The following AK5 variants were observed in gnomAD, a reference collection of about 807,000 sequenced individuals.
AK5 encodes the protein adenylate kinase 5.
AK5 carries 27 observed loss-of-function variants against 69.5 expected under a neutral mutation model. That is an observed-to-expected ratio of 0.39 (90% CI 0.29 to 0.54). The LOEUF (loss-of-function observed/expected upper bound fraction) is 0.54. AK5 is among the 20% of genes least tolerant of loss of function. The pLI is 0.71. For synonymous variants in AK5, 260 were observed against 244.4 expected, an observed-to-expected ratio of 1.06 and a Z score of -0.60; for missense variants, 531 against 700.4, an observed-to-expected ratio of 0.76 and a Z score of 2.73.
intron 13 of AK5, among the ~76,000 whole-genome samples, chr1:77,550,101 T>C (rs558660602): frequency 6.6e-6 from 1 of 152,158 alleles, no homozygotes; most frequent in Non-Finnish European, 1.5e-5. Context: ...CTAGGACTAC[T>C]GGCATGTGCC....
intron 10 of AK5, among the ~76,000 whole-genome samples, chr1:77,502,051 C>G (rs1230402750): frequency 1.3e-5 from 2 of 152,130 alleles, no homozygotes; most frequent in Non-Finnish European, 2.9e-5. Context: ...ATTCACTATC[C>G]TATTAATAAT....
intron 8 of AK5, among the ~76,000 whole-genome samples, chr1:77,457,841 G>A (rs918309810): frequency 9.9e-5 from 15 of 152,236 alleles, no homozygotes; most frequent in East Asian, 5.8e-4. Flanking sequence ...TATTTAGGCC[G>A]TCTATTAGCT....
intron 8 of AK5, among the ~76,000 whole-genome samples, chr1:77,470,898 T>TTG (rs1654465159): frequency 8.7e-6 from 1 of 114,714 alleles, no homozygotes; most frequent in African/African-American, 3.5e-5. Context: ...TTTTTTTTTT[T>TTG]GAGACAGAGT....
chr1:77,481,503 T>G (rs12404342), intron 8 of AK5, among the ~76,000 whole-genome samples: 3 of 152,160 alleles, frequency 2.0e-5, no homozygotes, highest in African/African-American at 7.2e-5. Context: ...CAGGCAACTC[T>G]AAGAAGATGA....
intron 6 of AK5, among the ~76,000 whole-genome samples, chr1:77,367,877 A>ATT (rs369372295): frequency 0.014 from 200 of 14,208 alleles, 16 homozygotes; most frequent in Non-Finnish European, 0.019. Flanking sequence ...TGTGATATAT[A>ATT]ATATAAAATA....
intron 6 of AK5, among the ~76,000 whole-genome samples, chr1:77,348,509 TA>T (rs141980716): frequency 0.15 from 21,925 of 145,320 alleles, 1,764 homozygotes; most frequent in Middle Eastern, 0.24. Flanking sequence ...TAAAGTATAA[TA>T]AAAAAAAAAT....
intron 8 of AK5, among the ~76,000 whole-genome samples, chr1:77,464,028 A>T (rs1364982712): frequency 6.6e-6 from 1 of 152,258 alleles, no homozygotes; most frequent in African/African-American, 2.4e-5. Context: ...GCACTATGAA[A>T]GATGAAAAGT....
chr1:77,309,573 A>G (rs1271677589), intron 5 of AK5, among the ~76,000 whole-genome samples: 2 of 152,168 alleles, frequency 1.3e-5, no homozygotes, highest in Non-Finnish European at 2.9e-5. Flanking sequence ...TACACTCTAT[A>G]AATACATTAT....
At position 77,558,943 on chromosome 1, in the gene AK5, C is replaced by T. The variant is rs1660281732; in HGVS notation, c.*273C>T. ...CACACTTTGTATCATGCAGGCCACA[C>T]TCAGAGCTAGTCAGTACATGAACAG... On this transcript the variant is annotated 3_prime_UTR_variant, in exon 14 of 14. Transcript: ENST00000354567. 1 of 357,678 alleles carries T rather than the reference C, an allele frequency of 2.8e-6. No homozygotes were observed. The highest frequency in any genetic ancestry group is 5.3e-6 in the Non-Finnish European group (1 of 190,410). The allele number at this position is 357,678 out of a possible 1,614,324, so 22.2% of individuals were successfully genotyped here.
intron 6 of AK5, among the ~76,000 whole-genome samples, chr1:77,390,273 C>A (rs1648335524): frequency 6.6e-6 from 1 of 152,182 alleles, no homozygotes; most frequent in African/African-American, 2.4e-5. Flanking sequence ...GGTGTGAAAT[C>A]CCTGTACCAG....
At chr1:77,456,338 C>T (rs1328900728) in intron 8 of AK5, among the ~76,000 whole-genome samples, 1 of 152,212 alleles carries the variant, frequency 6.6e-6, no homozygotes, top group African/African-American at 2.4e-5. Context: ...GGAGTAAACC[C>T]CAACCTGACT....
chr1:77,340,384 C>A lies in AK5; in HGVS notation c.707C>A (p.Thr236Asn), dbSNP rs1443157515. The A allele has an allele frequency of 1.9e-6, 3 of 1,613,664 alleles. No homozygotes were observed. Among genetic ancestry groups the A allele is most frequent in the Middle Eastern group, 1.7e-4 (1 of 6,054 alleles). ...TGTTGATGCTCTCCACAGATCTGTA[C>A]CCCCGATTTGGTGGTATTCCTGGCT... ...QALSFEDQIC[T>N]PDLVVFLACA... The change falls in exon 6 of 14, where the codon ACC (threonine) becomes AAC (asparagine). Residue 236 changes from threonine to asparagine, a missense_variant. Transcript: ENST00000354567.
At chr1:77,368,779 A>G (rs1229221492) in intron 6 of AK5, among the ~76,000 whole-genome samples, 4 of 152,150 alleles carry the variant, frequency 2.6e-5, no homozygotes, top group Non-Finnish European at 4.4e-5. Flanking sequence ...GCAGCACTCA[A>G]AAAGTTTCAG....
At chr1:77,491,643 A>G (rs977063695) in intron 10 of AK5, among the ~76,000 whole-genome samples, 6 of 152,218 alleles carry the variant, frequency 3.9e-5, no homozygotes, top group African/African-American at 1.4e-4. Context: ...GCTGCTTAAC[A>G]TGAGCACTTT....
intron 13 of AK5, chr1:77,540,718 GTTC>G (rs1399422181): frequency 2.0e-5 from 3 of 152,158 alleles, no homozygotes; most frequent in Admixed American, 2.0e-4. Flanking sequence ...TCACCTCTCA[GTTC>G]TTCTTCCTAA....
At position 77,438,314 on chromosome 1, in the gene AK5, A is replaced by C. The variant is rs796498906; in HGVS notation, c.1059+20599A>C. ...TGGTACAAAAAAAAAAAAAAAAAAA[A>C]AAAAAAAAAACAAGCTTGGGGAGTT... On this transcript the variant is annotated intron_variant, in intron 8 of 13. Coordinates refer to ENST00000354567, the MANE Select transcript of AK5 (RefSeq NM_174858.3). Among the ~76,000 whole-genome samples the C allele has an allele frequency of 1.3e-3, 188 of 144,036 alleles. 2 individuals are homozygous for C. Among genetic ancestry groups the C allele is most frequent in the African/African-American group, 5.0e-3 (184 of 36,932 alleles). The allele number at this position is 144,036 out of a possible 152,430, so 94.5% of individuals were successfully genotyped here. A position where few individuals can be genotyped will look rare whatever the true frequency, so the allele number is the denominator to read the frequency against.
At chr1:77,346,709 G>A (rs182995548) in intron 6 of AK5, among the ~76,000 whole-genome samples, 6 of 152,134 alleles carry the variant, frequency 3.9e-5, no homozygotes, top group Non-Finnish European at 2.9e-5. Flanking sequence ...TGTCCCTCAG[G>A]CTGGTCTCGG....
At chr1:77,393,477 A>G (rs1262757645) in intron 6 of AK5, among the ~76,000 whole-genome samples, 1 of 152,174 alleles carries the variant, frequency 6.6e-6, no homozygotes, top group Non-Finnish European at 1.5e-5. Context: ...ATAAATGTAA[A>G]ACGGGATTTT....
chr1:77,546,667 G>A (rs1003045071), intron 13 of AK5, among the ~76,000 whole-genome samples: 11 of 152,112 alleles, frequency 7.2e-5, no homozygotes, highest in Admixed American at 3.9e-4. Context: ...CTGAGATCGC[G>A]CCACTGCACT....
Sources: gnomAD v4.1 joint callset for allele counts (sites outside exome capture counted in the v4.1 genomes callset) on GRCh38, gnomAD v4.1.1 for gene constraint, MANE v1.5 for transcripts, NCBI Gene and HGNC (gene_info 2026-07-23, HGNC 2026-07-21) for gene names.